The following NPAS3 variants were observed in gnomAD, a reference collection of about 807,000 sequenced individuals.
NPAS3 encodes the protein neuronal PAS domain protein 3, also known as neuronal PAS domain-containing protein 3.
A neutral mutation model predicts 73.1 loss-of-function variants in NPAS3; 14 were observed. The observed-to-expected ratio is 0.19, with a 90% confidence interval of 0.13 to 0.30. NPAS3 has a LOEUF of 0.30. NPAS3 is among the 10% of genes least tolerant of loss of function. NPAS3 has a pLI of 1.00. For missense variants in NPAS3, 1,096 were observed against 1,250.0 expected, an observed-to-expected ratio of 0.88 and a Z score of 1.86; for synonymous variants, 620 against 541.5, an observed-to-expected ratio of 1.14 and a Z score of -2.01.
rs1958054 is a variant in NPAS3, at chr14:33,764,151, G to A, written c.853-10186G>A. 8.0e-3 allele frequency among the ~76,000 whole-genome samples: 1,213 copies of A among 152,242 alleles called. 12 individuals are homozygous for A. Among genetic ancestry groups the A allele is most frequent in the African/African-American group, 0.024 (1,016 of 41,538 alleles). ...CTAGAGCCCTTGAAGTTAAATGGGG[G>A]CACTGGGGAGGCTATCCTTCCGTGA... On this transcript the variant is annotated intron_variant, in intron 7 of 11. Coordinates refer to ENST00000356141, the Ensembl canonical transcript of NPAS3.
At chr14:33,639,574 G>A (rs138609251) in intron 5 of NPAS3, among the ~76,000 whole-genome samples, 1 of 152,202 alleles carries the variant, frequency 6.6e-6, no homozygotes, top group Admixed American at 6.5e-5. Context: ...TCTTGTTCAG[G>A]AGTGTGACCC....
chr14:33,000,637 T>C (rs1179435523), intron 1 of NPAS3, among the ~76,000 whole-genome samples: 5 of 152,236 alleles, frequency 3.3e-5, no homozygotes, highest in Non-Finnish European at 7.3e-5. Context: ...TTGTTCATAT[T>C]GAGTTTATAA....
At chr14:33,796,810 T>G (rs776585971) in intron 10 of NPAS3, among the ~76,000 whole-genome samples, 2 of 152,198 alleles carry the variant, frequency 1.3e-5, no homozygotes, top group African/African-American at 4.8e-5. Context: ...TGTTAGGGCC[T>G]CTTTCACACT....
intron 3 of NPAS3, among the ~76,000 whole-genome samples, chr14:33,320,553 ACATGCT>A (rs1236316207): frequency 6.6e-6 from 1 of 152,130 alleles, no homozygotes. Flanking sequence ...ATCTCCTCCG[ACATGCT>A]CATGTCTGAG....
chr14:33,605,843 A>G (rs1415375138), intron 5 of NPAS3, among the ~76,000 whole-genome samples: 1 of 139,352 alleles, frequency 7.2e-6, no homozygotes, highest in East Asian at 2.0e-4. Flanking sequence ...ATTCTAGTAG[A>G]CTTTTTTATA....
chr14:33,702,470 G>A (rs1282112851), intron 6 of NPAS3, among the ~76,000 whole-genome samples: 1 of 152,160 alleles, frequency 6.6e-6, no homozygotes, highest in African/African-American at 2.4e-5. Context: ...TACTTTGTGA[G>A]GTTAATAGCT....
chr14:33,544,804 AT>A (rs1380557004), intron 4 of NPAS3, among the ~76,000 whole-genome samples: 1 of 78,736 alleles, frequency 1.3e-5, no homozygotes, highest in Non-Finnish European at 2.3e-5. Context: ...ATATATATAT[AT>A]ATATATGTAT....
chr14:33,086,119 G>A (rs1300056197), intron 2 of NPAS3, among the ~76,000 whole-genome samples: 1 of 152,160 alleles, frequency 6.6e-6, no homozygotes, highest in African/African-American at 2.4e-5. Flanking sequence ...GTCATTATAT[G>A]TTAAAAATGA....
chr14:33,754,436 C>T (rs2062053986), intron 7 of NPAS3, among the ~76,000 whole-genome samples: 1 of 152,132 alleles, frequency 6.6e-6, no homozygotes, highest in African/African-American at 2.4e-5. Context: ...TCCCCAGCTC[C>T]CTCTCCTCTC....
intron 1 of NPAS3, among the ~76,000 whole-genome samples, chr14:33,024,334 G>C (rs1390677576): frequency 6.6e-6 from 1 of 151,938 alleles, no homozygotes; most frequent in Admixed American, 6.6e-5. Context: ...ACCACACCCG[G>C]CTAATTTTTG....
chr14:33,546,881 A>C (rs2054870646), intron 4 of NPAS3, among the ~76,000 whole-genome samples: 1 of 152,222 alleles, frequency 6.6e-6, no homozygotes, highest in Admixed American at 6.5e-5. Context: ...GTCTACGTCT[A>C]GTACATTAGG....
At chr14:33,236,747 T>G (rs1490480607) in intron 3 of NPAS3, among the ~76,000 whole-genome samples, 2 of 152,072 alleles carry the variant, frequency 1.3e-5, no homozygotes, top group African/African-American at 4.8e-5. Flanking sequence ...GTAAAATCAT[T>G]TTGTCTCGAT....
At chr14:33,091,953 G>T (rs1442529385) in intron 2 of NPAS3, among the ~76,000 whole-genome samples, 2 of 152,104 alleles carry the variant, frequency 1.3e-5, no homozygotes. Context: ...AATAAATTAG[G>T]TATTGATGGG....
intron 4 of NPAS3, among the ~76,000 whole-genome samples, chr14:33,396,961 G>T (rs995597186): frequency 6.6e-6 from 1 of 151,968 alleles, no homozygotes; most frequent in Non-Finnish European, 1.5e-5. Flanking sequence ...ATATGCTTTA[G>T]ACCTTCCCTG....
intron 10 of NPAS3, among the ~76,000 whole-genome samples, chr14:33,795,762 A>C (rs910739423): frequency 3.9e-5 from 6 of 152,204 alleles, no homozygotes. Context: ...AGAGCTAAGC[A>C]ATCAGTCTCT....
At chr14:33,632,589 A>G (rs1177073546) in intron 5 of NPAS3, among the ~76,000 whole-genome samples, 2 of 152,140 alleles carry the variant, frequency 1.3e-5, no homozygotes, top group Non-Finnish European at 2.9e-5. Flanking sequence ...CATCCTTGCC[A>G]CAGAGTCTAT....
chr14:33,448,743 T>C (rs2049641074), intron 4 of NPAS3, among the ~76,000 whole-genome samples: 1 of 152,162 alleles, frequency 6.6e-6, no homozygotes, highest in South Asian at 2.1e-4. Flanking sequence ...AAAGTGCCCC[T>C]GAGACAAGGA....
chr14:33,779,694 G>A (rs2062922103), intron 9 of NPAS3, among the ~76,000 whole-genome samples: 1 of 152,174 alleles, frequency 6.6e-6, no homozygotes, highest in African/African-American at 2.4e-5. Context: ...AGGAGCATTA[G>A]CCTATACCAT....
chr14:33,336,598 G>A (rs556490824), intron 3 of NPAS3, among the ~76,000 whole-genome samples: 57 of 152,304 alleles, frequency 3.7e-4, no homozygotes, highest in African/African-American at 1.3e-3. Context: ...CACCTGCCAA[G>A]GATGATTTCC....
Sources: gnomAD v4.1 joint callset for allele counts (sites outside exome capture counted in the v4.1 genomes callset) on GRCh38, gnomAD v4.1.1 for gene constraint, MANE v1.5 for transcripts, NCBI Gene and HGNC (gene_info 2026-07-23, HGNC 2026-07-21) for gene names.